Variants in GSG1L observed in about 807,000 individuals in gnomAD.
GSG1L encodes the protein GSG1 like.
A neutral mutation model predicts 42.1 loss-of-function variants in GSG1L; 24 were observed. That is an observed-to-expected ratio of 0.57 (90% confidence interval 0.41 to 0.80). The LOEUF is 0.80. Ranked by LOEUF, GSG1L falls within the 30% of genes least tolerant of loss-of-function variation. The probability of loss-of-function intolerance (pLI) is 0.00; values close to 1 mark genes in which losing one functional copy is unlikely to be tolerated. For missense variants in GSG1L, 445 were observed against 472.2 expected (o/e 0.94, Z 0.53); for synonymous variants, 215 against 203.5 (o/e 1.06, Z -0.48).
intron 1 of GSG1L, among the ~76,000 whole-genome samples, chr16:27,980,901 C>CAAAAAAAAAAAAAAAAAAAAAAAA (rs11390148): frequency 1.6e-5 from 2 of 127,048 alleles, no homozygotes; most frequent in African/African-American, 2.9e-5. Context: ...AACCAAAAAA[C>CAAAAAAAAAAAAAAAAAAAAAAAA]AAAAAAAAAA....
At chr16:27,841,459 G>C (rs2083380811) in intron 4 of GSG1L, among the ~76,000 whole-genome samples, 4 of 152,216 alleles carry the variant, frequency 2.6e-5, no homozygotes, top group Admixed American at 1.3e-4. Context: ...AGACCCTGCA[G>C]CTTGTTCTTC....
chr16:27,952,907 C>A (rs1234890249), intron 2 of GSG1L, among the ~76,000 whole-genome samples: 2 of 152,166 alleles, frequency 1.3e-5, no homozygotes, highest in African/African-American at 4.8e-5. Flanking sequence ...AGCTGCCAAG[C>A]CCTCCGCAAG....
chr16:28,017,995 T>C (rs983450363), intron 1 of GSG1L, among the ~76,000 whole-genome samples: 1 of 152,226 alleles, frequency 6.6e-6, no homozygotes, highest in South Asian at 2.1e-4. Context: ...TATACAGATA[T>C]GTTTTAAACA....
intron 1 of GSG1L, among the ~76,000 whole-genome samples, chr16:28,034,289 CATCCCATCCT>C (rs942311349): frequency 2.8e-5 from 4 of 143,694 alleles, no homozygotes; most frequent in Non-Finnish European, 4.5e-5. Context: ...CATCCCAACC[CATCCCATCCT>C]ATCCCATCCT....
chr16:27,844,848 T>TTCC, intron 4 of GSG1L, 102 bp downstream of exon 4: 2 of 135,614 alleles, frequency 1.5e-5, no homozygotes, highest in Middle Eastern at 2.6e-3. Context: ...CCATTTCTCC[T>TTCC]CCCCCCCACC....
intron 1 of GSG1L, among the ~76,000 whole-genome samples, chr16:28,053,109 A>G (rs2086237498): frequency 6.6e-6 from 1 of 152,154 alleles, no homozygotes; most frequent in African/African-American, 2.4e-5. Context: ...GATCCCCTGT[A>G]GAGAAACCAG....
chr16:27,830,758 C>T (rs2083266410), intron 4 of GSG1L, among the ~76,000 whole-genome samples: 1 of 152,226 alleles, frequency 6.6e-6, no homozygotes, highest in African/African-American at 2.4e-5. Flanking sequence ...AGCAACAAAG[C>T]TGAAGATTCT....
chr16:27,885,573 C>T (rs940810994), intron 2 of GSG1L, among the ~76,000 whole-genome samples: 9 of 152,232 alleles, frequency 5.9e-5, no homozygotes, highest in African/African-American at 1.9e-4. Context: ...GCTACTCCCA[C>T]ACTTCAACCT....
intron 2 of GSG1L, among the ~76,000 whole-genome samples, chr16:27,936,358 A>G (rs1472738446): frequency 6.6e-6 from 1 of 152,198 alleles, no homozygotes; most frequent in East Asian, 1.9e-4. Flanking sequence ...CCTCATGAAT[A>G]GATCAATGCC....
chr16:27,999,978 T>A (rs945933883), intron 1 of GSG1L, among the ~76,000 whole-genome samples: 1 of 152,226 alleles, frequency 6.6e-6, no homozygotes, highest in African/African-American at 2.4e-5. Context: ...AGGCTACTGA[T>A]AAGCATAGAG....
intron 1 of GSG1L, among the ~76,000 whole-genome samples, chr16:27,995,282 G>A (rs2085503687): frequency 6.6e-6 from 1 of 152,186 alleles, no homozygotes; most frequent in African/African-American, 2.4e-5. Context: ...TAGTATCCAT[G>A]AGCCATTCTT....
chr16:27,924,874 T>C (rs1244477703), intron 2 of GSG1L, among the ~76,000 whole-genome samples: 1 of 152,202 alleles, frequency 6.6e-6, no homozygotes, highest in East Asian at 1.9e-4. Flanking sequence ...CTATCCCAGC[T>C]GAAGTGGAAG....
chr16:27,803,643 C>T (rs910135972), intron 6 of GSG1L, among the ~76,000 whole-genome samples: 6 of 151,878 alleles, frequency 4.0e-5, no homozygotes, highest in African/African-American at 9.7e-5. Context: ...CAGTTCAGGC[C>T]GCCACCATCA....
chr16:27,857,427 C>CA (rs11401928), intron 3 of GSG1L, among the ~76,000 whole-genome samples: 50,125 of 124,544 alleles, frequency 0.4, 9,473 homozygotes, highest in South Asian at 0.48. Context: ...GACTACATCT[C>CA]AAAAAAAAAA....
At chr16:28,020,746 G>A (rs2085833082) in intron 1 of GSG1L, among the ~76,000 whole-genome samples, 1 of 152,218 alleles carries the variant, frequency 6.6e-6, no homozygotes, top group Non-Finnish European at 1.5e-5. Flanking sequence ...TTGGATTGCT[G>A]AATCTGGGGG....
chr16:27,956,047 A>C (rs1252197049), intron 2 of GSG1L, among the ~76,000 whole-genome samples: 1 of 152,220 alleles, frequency 6.6e-6, no homozygotes, highest in Non-Finnish European at 1.5e-5. Flanking sequence ...GAACATTTAC[A>C]CATTTGCCAA....
At chr16:27,947,565 G>GAA (rs1491546311) in intron 2 of GSG1L, among the ~76,000 whole-genome samples, 2 of 86,678 alleles carry the variant, frequency 2.3e-5, no homozygotes, top group African/African-American at 4.1e-5. Flanking sequence ...AAGAAAGAAA[G>GAA]AAAGAAAGAA....
rs1280078919 is a variant in GSG1L, at chr16:28,063,184, G to T, written c.241C>A (p.Pro81Thr). 2 of 1,317,692 alleles carry T rather than the reference G, an allele frequency of 1.5e-6. No individual in the cohort carries two copies. Among genetic ancestry groups the T allele is most frequent in the Non-Finnish European group, 1.9e-6 (2 of 1,032,628 alleles). 81.6% of individuals were successfully genotyped at this position (1,317,692 alleles called of 1,614,324 possible). Residue 81 changes from proline (P) to threonine (T), a missense_variant, in exon 1 of 7, where the codon CCC becomes ACC. Around this residue, in one of 3 missense-constraint regions of GSG1L, gnomAD observed 156 missense variants for 128.3 expected, o/e 1.22. Transcript: ENST00000447459. The surrounding 1 kb of genome is among the most constrained non-coding windows in gnomAD (Gnocchi z 5.8). ...CAGCTGTAGAGCGCGCCGCCAGGGG[G>T]GCCGTTCCCCGAGGCGGTGGCGGCG... ...AAAATASGNGPPGGALYSWET... is the reference protein window; with the variant it reads ...AAAATASGNGTPGGALYSWET...
intron 1 of GSG1L, among the ~76,000 whole-genome samples, chr16:28,014,414 G>T (rs2085757583): frequency 6.6e-6 from 1 of 152,146 alleles, no homozygotes; most frequent in Non-Finnish European, 1.5e-5. Context: ...CTTTACATAG[G>T]TATGCGGTTG....
Sources: allele counts gnomAD v4.1 joint callset (sites outside exome capture counted in the v4.1 genomes callset), GRCh38; gene constraint gnomAD v4.1.1; regional missense constraint gnomAD v4.1.1; non-coding constraint Gnocchi (gnomAD v3.1); transcripts MANE v1.5; gene names NCBI Gene and HGNC (gene_info 2026-07-23, HGNC 2026-07-21).